The following GRIN2A variants were observed in gnomAD, a reference collection of about 807,000 sequenced individuals.
GRIN2A encodes glutamate receptor ionotropic, NMDA 2A.
In GRIN2A, 22 loss-of-function variants were observed where a neutral mutation model predicts 113.4. The observed-to-expected ratio is 0.19, with a 90% confidence interval of 0.14 to 0.28. The LOEUF (loss-of-function observed/expected upper bound fraction) is 0.28. GRIN2A is among the 10% of genes least tolerant of loss of function. The pLI, the probability that GRIN2A is intolerant of heterozygous loss-of-function variation, is 1.00. For synonymous variants in GRIN2A, 827 were observed against 738.4 expected, an observed-to-expected ratio of 1.12 and a Z score of -1.94; for missense variants, 1,502 against 1,887.0, an observed-to-expected ratio of 0.80 and a Z score of 3.78.
intron 2 of GRIN2A, among the ~76,000 whole-genome samples, chr16:10,171,009 A>G (rs2050031073): frequency 6.6e-6 from 1 of 152,144 alleles, no homozygotes; most frequent in Admixed American, 6.5e-5. Context: ...TGACTCCATC[A>G]CTTCAATCTG....
At position 9,762,642 on chromosome 16, in the gene GRIN2A, C is replaced by T. The variant is rs1049431139; in HGVS notation, c.*507G>A. On this transcript the variant is annotated 3_prime_UTR_variant, in exon 13 of 13. Transcript: ENST00000330684. ...ACTGTTACGAGCCAAACTTCCTAATCTCTTGCACATGTCAATCGCACTACA... is the reference window on the plus strand; with the variant it reads ...ACTGTTACGAGCCAAACTTCCTAATTTCTTGCACATGTCAATCGCACTACA... 8.1e-6 allele frequency: 2 copies of T among 247,166 alleles called. No individual in the cohort carries two copies. The highest frequency in any genetic ancestry group is 1.0e-4 in the Admixed American group (2 of 20,074). 15.3% of individuals were successfully genotyped at this position (247,166 alleles called of 1,614,324 possible).
At chr16:9,965,827 C>T (rs1020832753) in intron 2 of GRIN2A, among the ~76,000 whole-genome samples, 3 of 152,176 alleles carry the variant, frequency 2.0e-5, no homozygotes, top group Non-Finnish European at 2.9e-5. Context: ...CAAAACACAG[C>T]CAAGCCCTTT....
rs910081672 is a variant in GRIN2A at position 9,822,872 on chromosome 16, C to A, written c.2008-448G>T. On this transcript the variant is annotated intron_variant, in intron 9 of 12. Transcript: ENST00000330684. ...TTTTCTGTGATCTCCACCAATCACT[C>A]CCTTCTCTAAACTCCATTTATAATT... Among the ~76,000 whole-genome samples, 9 of 152,180 alleles carry A rather than the reference C, an allele frequency of 5.9e-5. No homozygotes were observed. In the East Asian group the frequency reaches 9.6e-4, roughly 16 times the overall value.
At chr16:9,902,100 T>C (rs763631793) in intron 3 of GRIN2A, among the ~76,000 whole-genome samples, 1 of 145,338 alleles carries the variant, frequency 6.9e-6, no homozygotes, top group Non-Finnish European at 1.5e-5. Flanking sequence ...GACTTCTGGT[T>C]GTTCATCAAT....
intron 11 of GRIN2A, among the ~76,000 whole-genome samples, chr16:9,776,777 C>G (rs146699722): frequency 6.6e-6 from 1 of 151,720 alleles, no homozygotes; most frequent in African/African-American, 2.4e-5. Context: ...GGGTTGGGTA[C>G]TTTGGGTTTC....
chr16:9,899,274 A>G (rs2043868432), intron 3 of GRIN2A, among the ~76,000 whole-genome samples: 1 of 151,884 alleles, frequency 6.6e-6, no homozygotes, highest in African/African-American at 2.4e-5. Context: ...CTCCATCTCT[A>G]CTAAAAATAC....
chr16:9,782,150 T>C (rs1243971491), intron 11 of GRIN2A, among the ~76,000 whole-genome samples: 1 of 152,308 alleles, frequency 6.6e-6, no homozygotes, highest in African/African-American at 2.4e-5. Context: ...TGATCACAGA[T>C]TGAAAATATT....
chr16:9,954,730 GA>G (rs957322132), intron 2 of GRIN2A, among the ~76,000 whole-genome samples: 39 of 152,240 alleles, frequency 2.6e-4, no homozygotes, highest in African/African-American at 8.9e-4. Context: ...AAAAGGTTGG[GA>G]TTTTAATGAG....
intron 10 of GRIN2A, among the ~76,000 whole-genome samples, chr16:9,813,263 T>C (rs2042120612): frequency 6.6e-6 from 1 of 152,216 alleles, no homozygotes; most frequent in Non-Finnish European, 1.5e-5. Context: ...TCTACTTTAA[T>C]TGAGAAAAGC....
intron 10 of GRIN2A, among the ~76,000 whole-genome samples, chr16:9,817,532 A>AGTGTTT (rs1359665608): frequency 6.6e-6 from 1 of 152,254 alleles, no homozygotes; most frequent in Non-Finnish European, 1.5e-5. Flanking sequence ...AGTCTTCCTA[A>AGTGTTT]GTGTTTGACA....
At chr16:10,159,212 C>T (rs971884781) in intron 2 of GRIN2A, among the ~76,000 whole-genome samples, 3 of 152,236 alleles carry the variant, frequency 2.0e-5, no homozygotes, top group Non-Finnish European at 4.4e-5. Context: ...AATATACATC[C>T]GTCCCTCATG....
chr16:10,009,648 G>T (rs1217084017), intron 2 of GRIN2A, among the ~76,000 whole-genome samples: 2 of 152,032 alleles, frequency 1.3e-5, no homozygotes, highest in Non-Finnish European at 2.9e-5. Context: ...TTCCTCAAGG[G>T]TCTTGCTTGC....
At chr16:9,951,613 C>G (rs1269767853) in intron 2 of GRIN2A, among the ~76,000 whole-genome samples, 3 of 152,038 alleles carry the variant, frequency 2.0e-5, no homozygotes, top group African/African-American at 7.2e-5. Context: ...AAACTCTGAG[C>G]ACAAATGGAA....
intron 5 of GRIN2A, among the ~76,000 whole-genome samples, chr16:9,848,780 A>AT (rs1424644706): frequency 2.0e-5 from 2 of 100,034 alleles, no homozygotes; most frequent in Non-Finnish European, 3.6e-5. Context: ...TGTTTTATAT[A>AT]TTTAAATATA....
At chr16:9,827,607 T>C (rs13336666) in intron 9 of GRIN2A, among the ~76,000 whole-genome samples, 47,212 of 152,082 alleles carry the variant, frequency 0.31, 8,067 homozygotes, top group African/African-American at 0.46. Context: ...ACCACAAAGA[T>C]TGAGGGAACT....
intron 4 of GRIN2A, among the ~76,000 whole-genome samples, chr16:9,875,404 G>A (rs2043344732): frequency 6.6e-6 from 1 of 152,148 alleles, no homozygotes; most frequent in Non-Finnish European, 1.5e-5. Context: ...GAAAAACAGG[G>A]TAGTGGAATG....
At chr16:10,123,846 C>A (rs2048877630) in intron 2 of GRIN2A, among the ~76,000 whole-genome samples, 1 of 152,190 alleles carries the variant, frequency 6.6e-6, no homozygotes, top group Admixed American at 6.5e-5. Context: ...TGTGCCTCAG[C>A]TTCCACATTT....
At chr16:10,020,583 C>A (rs976498851) in intron 2 of GRIN2A, among the ~76,000 whole-genome samples, 1 of 152,066 alleles carries the variant, frequency 6.6e-6, no homozygotes, top group Non-Finnish European at 1.5e-5. Flanking sequence ...TTCTGAAAAA[C>A]TAAGGAGAAC....
chr16:10,007,985 T>C (rs534386951), intron 2 of GRIN2A, among the ~76,000 whole-genome samples: 5 of 152,248 alleles, frequency 3.3e-5, no homozygotes, highest in African/African-American at 9.6e-5. Flanking sequence ...AAGATACAAG[T>C]AGTATTCTTT....
Sources: gnomAD v4.1 joint callset for allele counts (sites outside exome capture counted in the v4.1 genomes callset) on GRCh38, gnomAD v4.1.1 for gene constraint, MANE v1.5 for transcripts, NCBI Gene and HGNC (gene_info 2026-07-23, HGNC 2026-07-21) for gene names.